DOK5: variants seen among roughly 807,000 people sequenced by gnomAD.
The protein encoded by DOK5 is downstream of tyrosine kinase 5.
A neutral mutation model predicts 43.3 loss-of-function variants in DOK5; 27 were observed. That is an observed-to-expected ratio of 0.62 (90% confidence interval 0.46 to 0.86). DOK5 has a LOEUF of 0.86. Ranked by LOEUF, DOK5 falls within the 40% of genes least tolerant of loss-of-function variation. The pLI, the probability that DOK5 is intolerant of heterozygous loss-of-function variation, is 0.00. For missense variants in DOK5, 373 were observed against 392.9 expected (o/e 0.95, Z 0.43); for synonymous variants, 146 against 140.1 (o/e 1.04, Z -0.30).
chr20:54,490,472 G>A, intron 1 of DOK5, among the ~76,000 whole-genome samples: 1 of 152,228 alleles, frequency 6.6e-6, no homozygotes, highest in East Asian at 1.9e-4. Flanking sequence ...TGTGGCAGGA[G>A]TGGGAGGGTA....
At chr20:54,644,099 G>A (rs1568826781) in intron 7 of DOK5, among the ~76,000 whole-genome samples, 3 of 152,232 alleles carry the variant, frequency 2.0e-5, no homozygotes. Flanking sequence ...TCTCCCGAGA[G>A]CTCAGGTCTA....
chr20:54,475,669 C>A lies in DOK5; in HGVS notation c.-278C>A. The A allele has an allele frequency of 1.9e-6, 1 of 521,280 alleles. No homozygotes were observed. The highest frequency in any genetic ancestry group is 3.4e-6 in the Non-Finnish European group (1 of 292,896). 32.3% of individuals were successfully genotyped at this position (521,280 alleles called of 1,614,324 possible). ...GCCGCCGCTCCTCCTCCTGGCAGGC[C>A]GGCCGCGGAGTCAGCTGACGCCGGC... On this transcript the variant is annotated 5_prime_UTR_variant, in exon 1 of 8. Coordinates refer to ENST00000262593, the MANE Select transcript of DOK5 (RefSeq NM_018431.5). This position sits in a 1 kb window ranked among gnomAD's most constrained non-coding sequence, Gnocchi z 4.2.
intron 6 of DOK5, among the ~76,000 whole-genome samples, chr20:54,634,376 T>C (rs1359462777): frequency 6.6e-6 from 1 of 151,592 alleles, no homozygotes; most frequent in Non-Finnish European, 1.5e-5. Context: ...CTTCATTCAA[T>C]GTTACTTTTT....
At chr20:54,644,723 A>AAAAAAACAAAAAAAAACAC (rs1555839841) in intron 7 of DOK5, among the ~76,000 whole-genome samples, 1 of 142,404 alleles carries the variant, frequency 7.0e-6, no homozygotes, top group African/African-American at 2.9e-5. Context: ...AAAAAAAAAA[A>AAAAAAACAAAAAAAAACAC]ACAAAATTTA....
intron 2 of DOK5, among the ~76,000 whole-genome samples, chr20:54,574,199 C>T (rs1310847572): frequency 1.3e-5 from 2 of 152,028 alleles, no homozygotes; most frequent in South Asian, 2.1e-4. Context: ...ATGCAAATGC[C>T]GCCAAAAGGC....
intron 1 of DOK5, among the ~76,000 whole-genome samples, chr20:54,526,560 AC>A (rs1983582260): frequency 6.6e-6 from 1 of 152,158 alleles, no homozygotes. Context: ...TTGCTTATGA[AC>A]CAAGTGAGTA....
intron 6 of DOK5, among the ~76,000 whole-genome samples, chr20:54,639,724 T>C (rs1043688806): frequency 1.3e-5 from 2 of 152,194 alleles, no homozygotes; most frequent in Non-Finnish European, 2.9e-5. Flanking sequence ...ATAGATTCTG[T>C]GGCTTTAGCA....
chr20:54,481,609 C>T (rs893350636), intron 1 of DOK5, among the ~76,000 whole-genome samples: 4 of 152,186 alleles, frequency 2.6e-5, no homozygotes, highest in African/African-American at 9.7e-5. Context: ...TACATGAGGG[C>T]TGGGACTTGT....
At chr20:54,643,413 G>T (rs374140574) in intron 6 of DOK5, 45 bp from the exon 7 acceptor site, 2 of 1,605,110 alleles carry the variant, frequency 1.2e-6, no homozygotes, top group African/African-American at 1.3e-5. Flanking sequence ...GGCCACTTTC[G>T]GCCCCAGTGT....
chr20:54,637,564 G>A (rs1005221072), intron 6 of DOK5, among the ~76,000 whole-genome samples: 38 of 152,210 alleles, frequency 2.5e-4, no homozygotes, highest in African/African-American at 7.7e-4. Context: ...TGGCAAAGTC[G>A]AGTGAAGTAG....
In DOK5 at chr20:54,522,804, C is replaced by T. The variant is rs140851109; in HGVS notation, c.67-32129C>T. On this transcript the variant is annotated intron_variant, in intron 1 of 7. Transcript: ENST00000262593. Reference sequence around the variant, plus strand: ...TGCTGGGATTACAGGTGTGAGCCACCGCGCCTGGCCCAAAGTTGTTTTCTG... The same window carrying T: ...TGCTGGGATTACAGGTGTGAGCCACTGCGCCTGGCCCAAAGTTGTTTTCTG... 1.8e-4 allele frequency among the ~76,000 whole-genome samples: 28 copies of T among 152,172 alleles called. No homozygotes were observed. In the East Asian group the frequency reaches 4.4e-3, roughly 24 times the overall value.
intron 2 of DOK5, 44 bp downstream of exon 2, chr20:54,555,084 G>A (rs763898458): frequency 3.0e-6 from 4 of 1,314,538 alleles, no homozygotes; most frequent in Non-Finnish European, 4.4e-6. Context: ...TATTTACAGG[G>A]AGGCAACTGG....
At chr20:54,578,998 T>G (rs1985545347) in intron 2 of DOK5, among the ~76,000 whole-genome samples, 1 of 152,202 alleles carries the variant, frequency 6.6e-6, no homozygotes, top group Non-Finnish European at 1.5e-5. Flanking sequence ...ATGACATTAT[T>G]GTTTGTATGC....
chr20:54,520,558 T>A (rs1397827428), intron 1 of DOK5, among the ~76,000 whole-genome samples: 2 of 152,018 alleles, frequency 1.3e-5, no homozygotes, highest in Non-Finnish European at 2.9e-5. Context: ...GCAGGAGGAT[T>A]TTTTGAGCTC....
intron 7 of DOK5, among the ~76,000 whole-genome samples, chr20:54,649,918 G>T (rs938623903): frequency 6.6e-6 from 1 of 152,100 alleles, no homozygotes; most frequent in African/African-American, 2.4e-5. Context: ...TCACAAAGGG[G>T]GCTAATAGGG....
chr20:54,499,232 T>A (rs1481754846), intron 1 of DOK5, among the ~76,000 whole-genome samples: 6 of 152,230 alleles, frequency 3.9e-5, no homozygotes, highest in Non-Finnish European at 8.8e-5. Flanking sequence ...CATGCTAGAT[T>A]TTCTGTATTC....
chr20:54,647,608 G>A lies in DOK5; in HGVS notation c.857-2807G>A, dbSNP rs549400198. Among the ~76,000 whole-genome samples, 23 of 152,114 alleles carry A rather than the reference G, an allele frequency of 1.5e-4. 1 individual carries two copies. The highest frequency in any genetic ancestry group is 5.3e-4 in the African/African-American group (22 of 41,502). ...CACTGGATTCTTTTAGGAATGCATT[G>A]GATAAAATAACAGCAGTTACATCAG... On this transcript the variant is annotated intron_variant, in intron 7 of 7. Transcript: ENST00000262593.
At chr20:54,528,236 A>G (rs1983645160) in intron 1 of DOK5, among the ~76,000 whole-genome samples, 1 of 152,194 alleles carries the variant, frequency 6.6e-6, no homozygotes, top group South Asian at 2.1e-4. Context: ...AAAAACTCAT[A>G]CATGTATAGA....
chr20:54,566,937 C>T (rs1337117403), intron 2 of DOK5, among the ~76,000 whole-genome samples: 1 of 152,196 alleles, frequency 6.6e-6, no homozygotes, highest in Non-Finnish European at 1.5e-5. Context: ...TTTTAATTTG[C>T]ATTCCCTGGT....
Sources: gnomAD v4.1 joint callset for allele counts (sites outside exome capture counted in the v4.1 genomes callset) on GRCh38, gnomAD v4.1.1 for gene constraint, Gnocchi (gnomAD v3.1) non-coding constraint, MANE v1.5 for transcripts, NCBI Gene and HGNC (gene_info 2026-07-23, HGNC 2026-07-21) for gene names.